The following SGMS1 variants were observed in gnomAD, a reference collection of about 807,000 sequenced individuals.
SGMS1 encodes phosphatidylcholine:ceramide cholinephosphotransferase 1.
In SGMS1, 13 loss-of-function variants were observed where a neutral mutation model predicts 46.2. The ratio of observed to expected loss-of-function variants is 0.28; its 90% confidence interval spans 0.18 to 0.45. The LOEUF is 0.45. SGMS1 is among the 20% of genes least tolerant of loss of function. The pLI is 1.00. For synonymous variants in SGMS1, 203 were observed against 187.8 expected, an observed-to-expected ratio of 1.08 and a Z score of -0.66; for missense variants, 324 against 519.9, an observed-to-expected ratio of 0.62 and a Z score of 3.66.
chr10:50,487,599 TTCTTA>T (rs1359303429), intron 3 of SGMS1, among the ~76,000 whole-genome samples: 2 of 152,260 alleles, frequency 1.3e-5, no homozygotes, highest in African/African-American at 2.4e-5. Flanking sequence ...TTTTGTATGT[TTCTTA>T]TCTTATAAAT....
At chr10:50,312,925 A>T (rs1319922827) in intron 8 of SGMS1, among the ~76,000 whole-genome samples, 1 of 152,190 alleles carries the variant, frequency 6.6e-6, no homozygotes, top group African/African-American at 2.4e-5. Context: ...GTCATCATGG[A>T]GATGAGCCCA....
intron 6 of SGMS1, among the ~76,000 whole-genome samples, chr10:50,424,017 A>G (rs1024129217): frequency 1.3e-5 from 2 of 152,248 alleles, no homozygotes; most frequent in Admixed American, 1.3e-4. Context: ...CTGAACGCGC[A>G]AAGAAACAGG....
chr10:50,407,250 T>C (rs1427737529), intron 6 of SGMS1, among the ~76,000 whole-genome samples: 1 of 152,188 alleles, frequency 6.6e-6, no homozygotes, highest in Non-Finnish European at 1.5e-5. Flanking sequence ...AATGTGCCGA[T>C]AAAAATCTAG....
intron 2 of SGMS1, among the ~76,000 whole-genome samples, chr10:50,542,346 T>TA (rs1043625087): frequency 6.6e-5 from 10 of 152,164 alleles, no homozygotes; most frequent in African/African-American, 9.6e-5. Flanking sequence ...TACAGTGATT[T>TA]AAAAAAAATC....
chr10:50,350,784 A>G (rs955879371), intron 6 of SGMS1, among the ~76,000 whole-genome samples: 1 of 152,194 alleles, frequency 6.6e-6, no homozygotes, highest in Admixed American at 6.5e-5. Flanking sequence ...GATGTATGGA[A>G]ATGCCTGGAT....
At chr10:50,595,952 T>C (rs1006584957) in intron 1 of SGMS1, among the ~76,000 whole-genome samples, 1 of 152,198 alleles carries the variant, frequency 6.6e-6, no homozygotes, top group Non-Finnish European at 1.5e-5. Context: ...ATATCTTTTA[T>C]TTCAAAGGGT....
chr10:50,609,543 T>TTTTA (rs1838728829), intron 1 of SGMS1, among the ~76,000 whole-genome samples: 1 of 149,868 alleles, frequency 6.7e-6, no homozygotes, highest in Admixed American at 6.6e-5. Flanking sequence ...TTTTTTTTTT[T>TTTTA]ACAAAGGCAT....
intron 2 of SGMS1, among the ~76,000 whole-genome samples, chr10:50,574,869 T>C (rs1838366563): frequency 6.6e-6 from 1 of 151,006 alleles, no homozygotes; most frequent in Admixed American, 6.6e-5. Flanking sequence ...TCACACCACA[T>C]CATATGTATT....
At chr10:50,396,547 A>T (rs1363084006) in intron 6 of SGMS1, among the ~76,000 whole-genome samples, 3 of 152,192 alleles carry the variant, frequency 2.0e-5, no homozygotes, top group Non-Finnish European at 4.4e-5. Flanking sequence ...AAATAGAAAG[A>T]ATTAGACTAA....
chr10:50,575,665 A>C lies in SGMS1; in HGVS notation c.-589+14488T>G, dbSNP rs529203106. ...TTTGGAGGTGATAGATATGTTTATT[A>C]TCTCGACTGTGGTGGTGGTAATACA... On this transcript the variant is annotated intron_variant, in intron 2 of 10. Coordinates refer to ENST00000361781, the MANE Select transcript of SGMS1 (RefSeq NM_147156.4). 6.0e-5 allele frequency among the ~76,000 whole-genome samples: 9 copies of C among 149,350 alleles called. No homozygotes were observed. In the East Asian group the frequency reaches 2.0e-3, roughly 33 times the overall value.
intron 3 of SGMS1, among the ~76,000 whole-genome samples, chr10:50,519,390 G>T (rs1277317353): frequency 6.6e-6 from 1 of 152,164 alleles, no homozygotes. Flanking sequence ...CCTGGTAACC[G>T]TGATCTTCCA....
intron 8 of SGMS1, among the ~76,000 whole-genome samples, chr10:50,326,283 C>T (rs1345341374): frequency 6.6e-6 from 1 of 151,946 alleles, no homozygotes; most frequent in Non-Finnish European, 1.5e-5. Flanking sequence ...TAAAGAGATC[C>T]AAAATTTCAT....
intron 2 of SGMS1, among the ~76,000 whole-genome samples, chr10:50,578,660 G>C (rs976264367): frequency 3.3e-5 from 5 of 152,086 alleles, no homozygotes; most frequent in African/African-American, 1.2e-4. Context: ...GCAGGTATGT[G>C]TTTGAACAAA....
chr10:50,447,158 C>CT (rs1266636645), intron 5 of SGMS1, among the ~76,000 whole-genome samples: 2 of 152,162 alleles, frequency 1.3e-5, no homozygotes, highest in Non-Finnish European at 2.9e-5. Flanking sequence ...TTAAAGGTTA[C>CT]TTTTAACAAT....
At chr10:50,426,012 A>G (rs1849321331) in intron 6 of SGMS1, among the ~76,000 whole-genome samples, 1 of 152,246 alleles carries the variant, frequency 6.6e-6, no homozygotes, top group Non-Finnish European at 1.5e-5. Flanking sequence ...ATCTAAACAT[A>G]CATCACCAGG....
At chr10:50,534,449 T>C (rs2133808585) in intron 2 of SGMS1, among the ~76,000 whole-genome samples, 1 of 152,316 alleles carries the variant, frequency 6.6e-6, no homozygotes, top group African/African-American at 2.4e-5. Context: ...ATGCTACTGA[T>C]AGTAAAATGA....
chr10:50,442,994 C>T (rs375865976), intron 5 of SGMS1, among the ~76,000 whole-genome samples: 11 of 152,264 alleles, frequency 7.2e-5, no homozygotes, highest in African/African-American at 2.6e-4. Flanking sequence ...TCAAACTGCA[C>T]TTAATAAGAA....
chr10:50,436,743 C>G (rs1849478272), intron 5 of SGMS1, among the ~76,000 whole-genome samples: 1 of 152,172 alleles, frequency 6.6e-6, no homozygotes, highest in Non-Finnish European at 1.5e-5. Flanking sequence ...AAATCAAGAG[C>G]ATTCAAGAGC....
At chr10:50,581,184 G>C (rs1253287548) in intron 2 of SGMS1, among the ~76,000 whole-genome samples, 1 of 152,204 alleles carries the variant, frequency 6.6e-6, no homozygotes, top group Non-Finnish European at 1.5e-5. Context: ...TAAGGAGCGG[G>C]GAGTTATGGA....
Sources: gnomAD v4.1 joint callset for allele counts (sites outside exome capture counted in the v4.1 genomes callset) on GRCh38, gnomAD v4.1.1 for gene constraint, MANE v1.5 for transcripts, NCBI Gene and HGNC (gene_info 2026-07-23, HGNC 2026-07-21) for gene names.